TLN2: variants seen among roughly 807,000 people sequenced by gnomAD.
TLN2 encodes talin 2.
Under a neutral mutation model 294.7 loss-of-function variants are expected in TLN2, and 118 were observed. The ratio of observed to expected loss-of-function variants is 0.40; its 90% confidence interval spans 0.34 to 0.47. TLN2 has a LOEUF of 0.47. TLN2 is among the 20% of genes least tolerant of loss of function. TLN2 has a pLI of 0.84. For missense variants in TLN2, 3,083 were observed against 3,282.2 expected (o/e 0.94, Z 1.48); for synonymous variants, 1,431 against 1,304.5 (o/e 1.10, Z -2.09).
intron 2 of TLN2, among the ~76,000 whole-genome samples, chr15:62,615,816 CAA>C (rs1308478654): frequency 1.3e-5 from 2 of 152,222 alleles, no homozygotes; most frequent in South Asian, 2.1e-4. Flanking sequence ...TATTGACTGC[CAA>C]AAATATGGTG....
rs756988134 is a variant in TLN2 at position 62,652,091 on chromosome 15, C to A, written c.321C>A (p.Ser107=). The A allele has an allele frequency of 6.2e-7, 1 of 1,609,832 alleles. No homozygotes were observed. The highest frequency in any genetic ancestry group is 8.5e-7 in the Non-Finnish European group (1 of 1,177,446). The part of the protein sequence containing the change: ...GSVKTVMVDD[S]KTVGELLVTI... ...TGAAGACAGTGATGGTGGATGATTC[C>A]AAGACTGTGGGGGAGCTCCTGGTCA... Residue 107 remains serine, a synonymous_variant, in exon 6 of 59, where the codon TCC becomes TCA. Coordinates refer to ENST00000636159, the MANE Select transcript of TLN2 (RefSeq NM_015059.3).
intron 9 of TLN2, among the ~76,000 whole-genome samples, chr15:62,672,793 C>T (rs776190678): frequency 4.6e-5 from 7 of 151,960 alleles, no homozygotes; most frequent in South Asian, 2.1e-4. Flanking sequence ...GGGGTGGTGT[C>T]GGGGGGTTGC....
chr15:62,440,632 T>C (rs967366042), intron 1 of TLN2, among the ~76,000 whole-genome samples: 1 of 152,200 alleles, frequency 6.6e-6, no homozygotes, highest in African/African-American at 2.4e-5. Context: ...TGTTCTCTTA[T>C]ACCCCTATCC....
At chr15:62,721,666 C>G (rs1340832203) in intron 25 of TLN2, among the ~76,000 whole-genome samples, 2 of 151,922 alleles carry the variant, frequency 1.3e-5, no homozygotes, top group Non-Finnish European at 2.9e-5. Context: ...AAAATTTATA[C>G]AAAGAAAATT....
At chr15:62,702,654 T>G in intron 18 of TLN2, 112 bp from the exon 19 acceptor site, 4 of 1,018,386 alleles carry the variant, frequency 3.9e-6, no homozygotes, top group Non-Finnish European at 6.1e-6. Flanking sequence ...AGATTCTCAC[T>G]GTCAGACAAA....
intron 2 of TLN2, among the ~76,000 whole-genome samples, chr15:62,606,901 G>A (rs934274970): frequency 1.3e-5 from 2 of 152,132 alleles, no homozygotes; most frequent in African/African-American, 4.8e-5. Context: ...CGCAGGCTTG[G>A]CACAGAGCAA....
At chr15:62,410,981 T>C (rs1203670311) in intron 1 of TLN2, among the ~76,000 whole-genome samples, 3 of 152,126 alleles carry the variant, frequency 2.0e-5, no homozygotes, top group Non-Finnish European at 4.4e-5. Flanking sequence ...CTTGCTGTGG[T>C]TGTGGAAGCA....
At chr15:62,566,722 C>G (rs2043430403) in intron 1 of TLN2, among the ~76,000 whole-genome samples, 1 of 151,240 alleles carries the variant, frequency 6.6e-6, no homozygotes, top group African/African-American at 2.4e-5. Context: ...CTCCTGGACT[C>G]AAGAGATGCT....
chr15:62,744,267 C>A (rs1433335633), intron 32 of TLN2, among the ~76,000 whole-genome samples: 1 of 152,160 alleles, frequency 6.6e-6, no homozygotes, highest in African/African-American at 2.4e-5. Context: ...CATGCCCTGC[C>A]GGGTGTCCCG....
At position 62,410,070 on chromosome 15, in the gene TLN2, C is replaced by T. The variant is rs555531661; in HGVS notation, c.-238+19385C>T. 2.6e-4 allele frequency among the ~76,000 whole-genome samples: 40 copies of T among 152,108 alleles called. No individual in the cohort carries two copies. In the South Asian group the frequency reaches 6.4e-3, roughly 25 times the overall value. ...CAGCCTGACCAACATGGTAAAACCC[C>T]GTCTCTACTAAAAATACAAAAATTA... is the stretch of plus-strand genomic sequence containing the variant. On this transcript the variant is annotated intron_variant, in intron 1 of 58. Transcript: ENST00000636159.
intron 1 of TLN2, among the ~76,000 whole-genome samples, chr15:62,508,068 C>T (rs1397345484): frequency 6.6e-6 from 1 of 151,988 alleles, no homozygotes; most frequent in Middle Eastern, 3.2e-3. Flanking sequence ...GAATTTTCTA[C>T]AGTAGCTCTC....
chr15:62,416,802 C>T (rs533440536), intron 1 of TLN2, among the ~76,000 whole-genome samples: 4 of 152,090 alleles, frequency 2.6e-5, no homozygotes, highest in Non-Finnish European at 4.4e-5. Context: ...CCTAGAAGAC[C>T]GGGCTCTGCC....
Position 62,748,378 on chromosome 15 carries a change from C to A in TLN2, c.4053C>A (p.Leu1351=). The A allele has an allele frequency of 6.2e-7, 1 of 1,613,000 alleles. No homozygotes were observed. Among genetic ancestry groups the A allele is most frequent in the South Asian group, 1.1e-5 (1 of 91,038 alleles). Residue 1351 remains leucine (L), a synonymous_variant, in exon 33 of 59, where the codon CTC becomes CTA. Transcript: ENST00000636159. ...ARAVTESINQ[L]ITLCTQQAPG... Reference sequence around the variant, plus strand: ...CTGTGACAGAGAGCATCAATCAACTCATCACTCTGTGTACCCAACAAGCTC... The same window carrying A: ...CTGTGACAGAGAGCATCAATCAACTAATCACTCTGTGTACCCAACAAGCTC...
chr15:62,814,613 TAAA>T (rs1296050999), intron 52 of TLN2, among the ~76,000 whole-genome samples: 2 of 152,250 alleles, frequency 1.3e-5, no homozygotes, highest in Non-Finnish European at 1.5e-5. Context: ...TTTTTTTCCT[TAAA>T]AAGCAAGACA....
At chr15:62,412,286 C>T (rs769204090) in intron 1 of TLN2, among the ~76,000 whole-genome samples, 3 of 152,144 alleles carry the variant, frequency 2.0e-5, no homozygotes, top group Non-Finnish European at 2.9e-5. Flanking sequence ...CATTTGAAAC[C>T]AGTAAGGTGG....
intron 11 of TLN2, chr15:62,683,202 A>G (rs1446534788): frequency 2.6e-5 from 4 of 152,334 alleles, no homozygotes; most frequent in Non-Finnish European, 5.9e-5. Context: ...TCCAGGAGCC[A>G]GAAGCTCAGT....
intron 1 of TLN2, among the ~76,000 whole-genome samples, chr15:62,404,563 A>G (rs1007201058): frequency 2.0e-5 from 3 of 152,176 alleles, no homozygotes; most frequent in Non-Finnish European, 4.4e-5. Flanking sequence ...TCCTGTGTTT[A>G]AATTAAATCT....
intron 9 of TLN2, among the ~76,000 whole-genome samples, chr15:62,665,362 T>G (rs116838345): frequency 0.014 from 2,085 of 152,238 alleles, 45 homozygotes; most frequent in South Asian, 0.055. Context: ...CTTAACATTT[T>G]TTTAAAAAAA....
chr15:62,560,224 A>G (rs1198346643), intron 1 of TLN2, among the ~76,000 whole-genome samples: 6 of 152,150 alleles, frequency 3.9e-5, no homozygotes, highest in Non-Finnish European at 8.8e-5. Flanking sequence ...CTATTTTCCA[A>G]TTCTAATACT....
Sources: allele counts gnomAD v4.1 joint callset (sites outside exome capture counted in the v4.1 genomes callset), GRCh38; gene constraint gnomAD v4.1.1; transcripts MANE v1.5; gene names NCBI Gene and HGNC (gene_info 2026-07-23, HGNC 2026-07-21).